SPMIP6: variants seen among roughly 807,000 people sequenced by gnomAD.
SPMIP6 encodes ciliated bronchial epithelial protein 1.
At chr9:34,394,377 G>C in the SPMIP6 span, among the ~76,000 whole-genome samples, 2 of 152,122 alleles carry the variant, frequency 1.3e-5, no homozygotes, top group East Asian at 1.9e-4. Flanking sequence ...GGATGGTCTC[G>C]ATCTCCTGAC....
chr9:34,385,835 G>T, the SPMIP6 span: 16 of 1,558,736 alleles, frequency 1.0e-5, no homozygotes, highest in South Asian at 1.7e-4. Context: ...CCCAGCCCTG[G>T]GGTCTTGCTG....
At chr9:34,385,593 A>T in the SPMIP6 span, 9 of 1,359,572 alleles carry the variant, frequency 6.6e-6, no homozygotes, top group South Asian at 2.4e-5. Flanking sequence ...GGTTGGGTTC[A>T]GGTTGGGGGT....
chr9:34,379,183 T>TCTTCCTGTAGATGGG, the SPMIP6 span: 1 of 1,601,606 alleles, frequency 6.2e-7, no homozygotes, highest in Non-Finnish European at 8.6e-7. This position sits in a 1 kb window ranked among gnomAD's most constrained non-coding sequence, Gnocchi z 4.2. Flanking sequence ...GTGTCCCATC[T>TCTTCCTGTAGATGGG]ACAGGAAGAG....
chr9:34,382,737 C>A, the SPMIP6 span: 1 of 1,567,072 alleles, frequency 6.4e-7, no homozygotes, highest in East Asian at 2.2e-5. Flanking sequence ...GACGTCTGTG[C>A]TGGGTGCAAC....
chr9:34,379,105 C>G, the SPMIP6 span: 1 of 1,612,906 alleles, frequency 6.2e-7, no homozygotes, highest in Admixed American at 1.7e-5. This position sits in a 1 kb window ranked among gnomAD's most constrained non-coding sequence, Gnocchi z 4.2. Flanking sequence ...GGATAGGTCT[C>G]AGACACAAAC....
the SPMIP6 span, among the ~76,000 whole-genome samples, chr9:34,392,371 C>T: frequency 2.6e-5 from 4 of 151,854 alleles, no homozygotes; most frequent in Non-Finnish European, 5.9e-5. The surrounding 1 kb of genome is among the most constrained non-coding windows in gnomAD (Gnocchi z 4.6). Flanking sequence ...CAGGCCAATA[C>T]AAGTTTGTAA....
chr9:34,383,360 C>T, the SPMIP6 span, among the ~76,000 whole-genome samples: 5 of 152,180 alleles, frequency 3.3e-5, no homozygotes, highest in Non-Finnish European at 5.9e-5. Context: ...CCTGTCTCTA[C>T]TAAAATACAA....
At chr9:34,381,782 A>G in the SPMIP6 span, 7 of 984,790 alleles carry the variant, frequency 7.1e-6, no homozygotes, top group African/African-American at 3.5e-5. This position sits in a 1 kb window ranked among gnomAD's most constrained non-coding sequence, Gnocchi z 4.4. Context: ...GGGGGTTTTC[A>G]ATATTGCTTG....
the SPMIP6 span, among the ~76,000 whole-genome samples, chr9:34,379,480 C>T: frequency 2.6e-5 from 4 of 152,212 alleles, no homozygotes; most frequent in Admixed American, 6.5e-5. The surrounding 1 kb of genome is among the most constrained non-coding windows in gnomAD (Gnocchi z 4.2). Flanking sequence ...GGTCCTCTGT[C>T]CTTACCACCT....
At chr9:34,396,432 G>A in the SPMIP6 span, among the ~76,000 whole-genome samples, 1 of 151,928 alleles carries the variant, frequency 6.6e-6, no homozygotes, top group Non-Finnish European at 1.5e-5. Context: ...TGGCCTTCCT[G>A]CCCTCAACCC....
At chr9:34,394,431 A>C in the SPMIP6 span, among the ~76,000 whole-genome samples, 1 of 152,210 alleles carries the variant, frequency 6.6e-6, no homozygotes, top group Non-Finnish European at 1.5e-5. Flanking sequence ...CTGGGATTAC[A>C]GCTGTGAGCC....
chr9:34,393,745 A>T, the SPMIP6 span, among the ~76,000 whole-genome samples: 1 of 151,928 alleles, frequency 6.6e-6, no homozygotes, highest in Non-Finnish European at 1.5e-5. Flanking sequence ...CATATCATTT[A>T]ATGTTTCTTT....
chr9:34,381,336 C>G, the SPMIP6 span: 16 of 1,613,828 alleles, frequency 9.9e-6, no homozygotes, highest in Non-Finnish European at 1.4e-5. The surrounding 1 kb of genome is among the most constrained non-coding windows in gnomAD (Gnocchi z 4.4). Context: ...CCTCTCCACC[C>G]GTTCTTTCCA....
the SPMIP6 span, chr9:34,380,542 C>T: frequency 8.5e-7 from 1 of 1,170,872 alleles, no homozygotes. Flanking sequence ...GGAAAGGGGG[C>T]AGGGCCAAGG....
At chr9:34,387,103 C>T in the SPMIP6 span, among the ~76,000 whole-genome samples, 1 of 151,034 alleles carries the variant, frequency 6.6e-6, no homozygotes, top group Non-Finnish European at 1.5e-5. Flanking sequence ...ACCATCATGG[C>T]TGAAGCCCTA....
chr9:34,383,726 G>A, the SPMIP6 span, among the ~76,000 whole-genome samples: 1 of 152,162 alleles, frequency 6.6e-6, no homozygotes, highest in Non-Finnish European at 1.5e-5. Flanking sequence ...TAATTTTGAT[G>A]TGTCTCAGTT....
At chr9:34,397,537 G>T in the SPMIP6 span, 2 of 1,614,140 alleles carry the variant, frequency 1.2e-6, no homozygotes, top group Admixed American at 1.7e-5. Context: ...GCACACAGGG[G>T]TGGGTCCTTA....
chr9:34,394,720 T>G, the SPMIP6 span, among the ~76,000 whole-genome samples: 1 of 152,154 alleles, frequency 6.6e-6, no homozygotes, highest in Non-Finnish European at 1.5e-5. Context: ...AAGTTTGGAA[T>G]GTACAGATTT....
At chr9:34,379,543 C>T in the SPMIP6 span, 2 of 1,042,902 alleles carry the variant, frequency 1.9e-6, no homozygotes, top group Admixed American at 3.7e-5. This position sits in a 1 kb window ranked among gnomAD's most constrained non-coding sequence, Gnocchi z 4.2. Flanking sequence ...TGTCAGTGCA[C>T]CGCGGAGCGT....
Sources: gnomAD v4.1 joint callset for allele counts (sites outside exome capture counted in the v4.1 genomes callset) on GRCh38, gnomAD v4.1.1 for gene constraint, Gnocchi (gnomAD v3.1) non-coding constraint, MANE v1.5 for transcripts, NCBI Gene and HGNC (gene_info 2026-07-23, HGNC 2026-07-21) for gene names.